CSMD1: variants seen among roughly 807,000 people sequenced by gnomAD.
CSMD1 encodes the protein CUB and sushi domain-containing protein 1.
Under a neutral mutation model 417.5 loss-of-function variants are expected in CSMD1, and 213 were observed. The observed-to-expected ratio is 0.51, with a 90% CI of 0.46 to 0.57. The LOEUF (loss-of-function observed/expected upper bound fraction) is 0.57. Ranked by LOEUF, CSMD1 falls within the 20% of genes least tolerant of loss-of-function variation. The probability of loss-of-function intolerance (pLI) is 0.00; values close to 1 mark genes in which losing one functional copy is unlikely to be tolerated. For missense variants in CSMD1, 6,923 were observed against 4,529.7 expected, an observed-to-expected ratio of 1.53 and a Z score of -15.17; for synonymous variants, 2,862 against 1,736.8, an observed-to-expected ratio of 1.65 and a Z score of -16.11.
intron 2 of CSMD1, among the ~76,000 whole-genome samples, chr8:4,460,444 A>G (rs1032843086): frequency 1.3e-5 from 2 of 152,150 alleles, no homozygotes; most frequent in Non-Finnish European, 2.9e-5. Flanking sequence ...TACAAGCTAA[A>G]CTTACGGTAA....
At chr8:3,220,185 T>G (rs1043681870) in intron 28 of CSMD1, among the ~76,000 whole-genome samples, 1 of 149,474 alleles carries the variant, frequency 6.7e-6, no homozygotes, top group Non-Finnish European at 1.5e-5. Flanking sequence ...CGTGGATAAA[T>G]CAGCGAATAT....
chr8:4,356,828 T>A (rs1300541908), intron 3 of CSMD1, among the ~76,000 whole-genome samples: 1 of 152,164 alleles, frequency 6.6e-6, no homozygotes, highest in Non-Finnish European at 1.5e-5. Flanking sequence ...ATGGCGCACA[T>A]TCCTAGTTGT....
In CSMD1 at chr8:3,676,654, G is replaced by C. The variant is rs373053516; in HGVS notation, c.1009+31760C>G. ...TTGTGGGACCACGCACACACATGTG[G>C]GTAGAGTATATGAATCAAGTTCCAT... On this transcript the variant is annotated intron_variant, in intron 7 of 69. Coordinates refer to ENST00000635120, the MANE Select transcript of CSMD1 (RefSeq NM_033225.6). Among the ~76,000 whole-genome samples the C allele has an allele frequency of 2.5e-4, 38 of 152,226 alleles. No individual in the cohort carries two copies. In the South Asian group the frequency reaches 7.3e-3, roughly 29 times the overall value.
At chr8:4,416,937 ATG>A (rs1325279894) in intron 3 of CSMD1, among the ~76,000 whole-genome samples, 1 of 152,070 alleles carries the variant, frequency 6.6e-6, no homozygotes, top group East Asian at 1.9e-4. Context: ...ATTATAAACT[ATG>A]TGTAATCCTA....
chr8:3,465,060 T>C (rs911739851), intron 12 of CSMD1, among the ~76,000 whole-genome samples: 3 of 152,158 alleles, frequency 2.0e-5, no homozygotes, highest in Non-Finnish European at 2.9e-5. Flanking sequence ...GTATAACACA[T>C]ACTGTATAAC....
At chr8:4,773,278 A>G (rs943225552) in intron 1 of CSMD1, among the ~76,000 whole-genome samples, 4 of 151,880 alleles carry the variant, frequency 2.6e-5, no homozygotes, top group South Asian at 2.1e-4. Context: ...GGGATACTCA[A>G]TCTACACCAA....
chr8:4,810,108 C>G (rs1393540937), intron 1 of CSMD1, among the ~76,000 whole-genome samples: 1 of 152,156 alleles, frequency 6.6e-6, no homozygotes, highest in Admixed American at 6.5e-5. Flanking sequence ...CCTTTAGAAA[C>G]ACAAAACCTT....
chr8:4,049,557 A>C (rs563574466), intron 3 of CSMD1, among the ~76,000 whole-genome samples: 13 of 152,122 alleles, frequency 8.5e-5, no homozygotes, highest in Admixed American at 4.6e-4. Context: ...CCTGACTTCT[A>C]GATTTTTATA....
chr8:3,695,087 C>CGTGCGTGTGTGTGT (rs1800472080), intron 7 of CSMD1, among the ~76,000 whole-genome samples: 2 of 145,492 alleles, frequency 1.4e-5, no homozygotes, highest in African/African-American at 2.6e-5. Context: ...GGAGGCCCTG[C>CGTGCGTGTGTGTGT]GTGTGTGTGT....
chr8:4,171,115 C>T (rs1367665913), intron 3 of CSMD1, among the ~76,000 whole-genome samples: 1 of 151,856 alleles, frequency 6.6e-6, no homozygotes, highest in Non-Finnish European at 1.5e-5. Context: ...TGCCCTTCAG[C>T]ACACAAAGGT....
At chr8:3,130,626 C>CA (rs374552313) in intron 41 of CSMD1, among the ~76,000 whole-genome samples, 4 of 152,176 alleles carry the variant, frequency 2.6e-5, no homozygotes, top group African/African-American at 7.2e-5. Context: ...AGCCTTGTTC[C>CA]TTTCTCTTCT....
chr8:3,381,634 T>C (rs1810633124), intron 18 of CSMD1, among the ~76,000 whole-genome samples: 1 of 152,186 alleles, frequency 6.6e-6, no homozygotes, highest in Non-Finnish European at 1.5e-5. Flanking sequence ...AATTAGCCAG[T>C]AGTTATCATC....
At chr8:3,037,689 T>C (rs1385134092) in intron 50 of CSMD1, among the ~76,000 whole-genome samples, 1 of 152,178 alleles carries the variant, frequency 6.6e-6, no homozygotes, top group East Asian at 1.9e-4. Context: ...GATTTTTGCT[T>C]TACCCTTACA....
At chr8:3,352,851 C>T (rs1035772477) in intron 21 of CSMD1, among the ~76,000 whole-genome samples, 1 of 152,042 alleles carries the variant, frequency 6.6e-6, no homozygotes, top group Non-Finnish European at 1.5e-5. Flanking sequence ...AAAAAACAAA[C>T]AAACAAAGAA....
At chr8:3,945,372 C>G (rs1021827035) in intron 5 of CSMD1, among the ~76,000 whole-genome samples, 2 of 151,964 alleles carry the variant, frequency 1.3e-5, no homozygotes, top group African/African-American at 4.8e-5. Flanking sequence ...ATAAAGGTAA[C>G]AAACCTGCAC....
At chr8:3,427,487 C>T (rs946066080) in intron 12 of CSMD1, among the ~76,000 whole-genome samples, 4 of 151,996 alleles carry the variant, frequency 2.6e-5, no homozygotes, top group Non-Finnish European at 5.9e-5. Context: ...AAGATTTTCA[C>T]AGTCAAATGA....
chr8:3,655,499 AAC>A lies in CSMD1; in HGVS notation c.1010-38704_1010-38703del, dbSNP rs556844775. On this transcript the variant is annotated intron_variant, in intron 7 of 69. Coordinates refer to ENST00000635120, the MANE Select transcript of CSMD1 (RefSeq NM_033225.6). ...TAGTATCAGAAATAGGTTTGGCATA[AAC>A]ACAGCCAGCTCAGGACCACTGCACA... Among the ~76,000 whole-genome samples, 6 of 152,276 alleles carry A rather than the reference AAC, an allele frequency of 3.9e-5. No individual in the cohort carries two copies. In the South Asian group the frequency reaches 1.2e-3, roughly 32 times the overall value.
intron 1 of CSMD1, among the ~76,000 whole-genome samples, chr8:4,725,103 A>G (rs1052599608): frequency 5.3e-5 from 8 of 152,192 alleles, no homozygotes; most frequent in African/African-American, 1.9e-4. Context: ...TTCAAATTAA[A>G]TGTATCCTGA....
chr8:4,236,518 A>T (rs965113453), intron 3 of CSMD1, among the ~76,000 whole-genome samples: 10 of 152,184 alleles, frequency 6.6e-5, no homozygotes, highest in African/African-American at 2.4e-4. Flanking sequence ...TTTGCTCAAA[A>T]AAGTTAGCGA....
Sources: gnomAD v4.1 joint callset for allele counts (sites outside exome capture counted in the v4.1 genomes callset) on GRCh38, gnomAD v4.1.1 for gene constraint, MANE v1.5 for transcripts, NCBI Gene and HGNC (gene_info 2026-07-23, HGNC 2026-07-21) for gene names.